PDLIM5: variants seen among roughly 807,000 people sequenced by gnomAD.
PDLIM5 encodes the protein PDZ and LIM domain protein 5.
In PDLIM5, 34 loss-of-function variants were observed where a neutral mutation model predicts 64.2. The ratio of observed to expected loss-of-function variants is 0.53; its 90% confidence interval spans 0.40 to 0.71. The LOEUF is 0.71. Among genes scored for constraint, PDLIM5 ranks in the 30% least tolerant of loss-of-function variants. The pLI is 0.00. For synonymous variants in PDLIM5, 253 were observed against 269.1 expected, an observed-to-expected ratio of 0.94 and a Z score of 0.59; for missense variants, 683 against 733.6, an observed-to-expected ratio of 0.93 and a Z score of 0.80.
chr4:94,566,077 C>T (rs922098433), intron 3 of PDLIM5, among the ~76,000 whole-genome samples: 1 of 152,114 alleles, frequency 6.6e-6, no homozygotes, highest in Non-Finnish European at 1.5e-5. Context: ...AAATTCTTTA[C>T]CAAAGTTATT....
chr4:94,515,177 A>C (rs984627618), intron 2 of PDLIM5, among the ~76,000 whole-genome samples: 4 of 152,164 alleles, frequency 2.6e-5, no homozygotes, highest in Non-Finnish European at 4.4e-5. Context: ...GCATTGTATT[A>C]TGGAGAGTTG....
chr4:94,603,009 C>G (rs1416949297), intron 7 of PDLIM5, among the ~76,000 whole-genome samples: 1 of 152,062 alleles, frequency 6.6e-6, no homozygotes, highest in Admixed American at 6.6e-5. Flanking sequence ...ATAATATTAT[C>G]ATTAATGACC....
intron 2 of PDLIM5, among the ~76,000 whole-genome samples, chr4:94,481,440 T>C (rs1725841413): frequency 6.6e-6 from 1 of 151,634 alleles, no homozygotes; most frequent in South Asian, 2.1e-4. Flanking sequence ...TGTGCCACCA[T>C]GCCCAGCTAA....
intron 2 of PDLIM5, among the ~76,000 whole-genome samples, chr4:94,471,236 A>G (rs545749857): frequency 1.3e-5 from 2 of 152,314 alleles, no homozygotes; most frequent in South Asian, 4.1e-4. Flanking sequence ...GTTTTGGGGT[A>G]TAGTTGCAAA....
chr4:94,518,572 A>C (rs1462670273), intron 2 of PDLIM5, among the ~76,000 whole-genome samples: 1 of 152,230 alleles, frequency 6.6e-6, no homozygotes, highest in African/African-American at 2.4e-5. Flanking sequence ...TGAGAACAAT[A>C]AATTAATGAC....
At chr4:94,517,283 G>A (rs995026076) in intron 2 of PDLIM5, among the ~76,000 whole-genome samples, 4 of 152,122 alleles carry the variant, frequency 2.6e-5, no homozygotes, top group Non-Finnish European at 5.9e-5. Flanking sequence ...GGGTGGTGAC[G>A]CAAAAAGTCA....
chr4:94,456,492 C>G, intron 2 of PDLIM5: 1 of 703,372 alleles, frequency 1.4e-6, no homozygotes, highest in Non-Finnish European at 2.6e-6. Context: ...GCCACCGTGC[C>G]TGGCCCACAC....
intron 7 of PDLIM5, among the ~76,000 whole-genome samples, chr4:94,601,413 G>A (rs1404233741): frequency 6.6e-6 from 1 of 152,084 alleles, no homozygotes; most frequent in Non-Finnish European, 1.5e-5. Context: ...CATATGATTT[G>A]GGGCTGGGGG....
At chr4:94,502,522 C>CTTGT (rs1394101388) in intron 2 of PDLIM5, among the ~76,000 whole-genome samples, 1 of 152,144 alleles carries the variant, frequency 6.6e-6, no homozygotes, top group Non-Finnish European at 1.5e-5. Context: ...TTCTTTCCAT[C>CTTGT]TTGTTTTCTC....
chr4:94,563,033 T>G (rs2110245082), intron 3 of PDLIM5, among the ~76,000 whole-genome samples: 1 of 152,276 alleles, frequency 6.6e-6, no homozygotes, highest in East Asian at 1.9e-4. Flanking sequence ...CAAAATTCAG[T>G]TTTCTATAAA....
At chr4:94,619,089 T>C (rs1739012709) in intron 8 of PDLIM5, among the ~76,000 whole-genome samples, 1 of 152,218 alleles carries the variant, frequency 6.6e-6, no homozygotes, top group Admixed American at 6.5e-5. Flanking sequence ...AACCATTTCC[T>C]ATCTCTGGGA....
In PDLIM5 at chr4:94,595,231, G is replaced by T. The variant is rs577849150; in HGVS notation, c.920+8787G>T. On this transcript the variant is annotated intron_variant, in intron 7 of 12. Transcript: ENST00000317968. ...GGATTACAATTTGACATGTGGTTTG[G>T]GTGGGGACACAGAGCCAAACCATAT... Among the ~76,000 whole-genome samples the T allele has an allele frequency of 2.0e-5, 3 of 152,244 alleles. No individual in the cohort carries two copies. In the South Asian group the frequency reaches 6.2e-4, roughly 32 times the overall value.
intron 3 of PDLIM5, among the ~76,000 whole-genome samples, chr4:94,542,094 C>T (rs1731858536): frequency 6.6e-6 from 1 of 152,064 alleles, no homozygotes; most frequent in Admixed American, 6.6e-5. Context: ...GGCAGATCAC[C>T]TGAGGTCAGG....
intron 2 of PDLIM5, among the ~76,000 whole-genome samples, chr4:94,471,007 C>G (rs1191452300): frequency 6.6e-6 from 1 of 152,084 alleles, no homozygotes; most frequent in Non-Finnish European, 1.5e-5. Context: ...GGGAACTCCC[C>G]TTTATAAACC....
chr4:94,517,647 T>C (rs1384399055), intron 2 of PDLIM5, among the ~76,000 whole-genome samples: 1 of 152,228 alleles, frequency 6.6e-6, no homozygotes. Context: ...TTTCTTTCTG[T>C]AGCCCTCATG....
chr4:94,497,929 C>T (rs547149649), intron 2 of PDLIM5, among the ~76,000 whole-genome samples: 3 of 152,206 alleles, frequency 2.0e-5, no homozygotes, highest in African/African-American at 4.8e-5. Flanking sequence ...ACTCAGGATA[C>T]CTGTTTGTAA....
chr4:94,474,875 C>G lies in PDLIM5; in HGVS notation c.96+19491C>G, dbSNP rs62319374. On this transcript the variant is annotated intron_variant, in intron 2 of 12. Transcript: ENST00000317968. ...CCATTTTGACCAGGCTGGTATTGAA[C>G]TGTTGCACTCAGGCTGTTCTCCTGC... Among the ~76,000 whole-genome samples the G allele has an allele frequency of 7.4e-3, 1,131 of 152,268 alleles. 15 individuals carry two copies. The highest frequency in any genetic ancestry group is 0.038 in the South Asian group (185 of 4,818).
intron 2 of PDLIM5, among the ~76,000 whole-genome samples, chr4:94,516,219 A>G (rs1057384689): frequency 6.6e-6 from 1 of 152,224 alleles, no homozygotes; most frequent in Non-Finnish European, 1.5e-5. Flanking sequence ...CTACATAAGG[A>G]AAAGAGACAT....
intron 2 of PDLIM5, among the ~76,000 whole-genome samples, chr4:94,496,565 C>A (rs1183266235): frequency 6.6e-6 from 1 of 152,222 alleles, no homozygotes; most frequent in Non-Finnish European, 1.5e-5. Flanking sequence ...TCTCTGTTCA[C>A]TGCAGCCTCT....
Sources: gnomAD v4.1 joint callset for allele counts (sites outside exome capture counted in the v4.1 genomes callset) on GRCh38, gnomAD v4.1.1 for gene constraint, MANE v1.5 for transcripts, NCBI Gene and HGNC (gene_info 2026-07-23, HGNC 2026-07-21) for gene names.